LRRC69: variants seen among roughly 807,000 people sequenced by gnomAD.
LRRC69 encodes leucine-rich repeat-containing protein 69.
In LRRC69, 42 loss-of-function variants were observed where a neutral mutation model predicts 37.8. That is an observed-to-expected ratio of 1.11 (90% CI 0.87 to 1.44). The LOEUF (loss-of-function observed/expected upper bound fraction) is 1.44, where lower values mean the gene tolerates loss of function less well. LRRC69 is among the 40% of genes most tolerant of loss of function. The pLI, the probability that LRRC69 is intolerant of heterozygous loss-of-function variation, is 0.00. For synonymous variants in LRRC69, 141 were observed against 143.1 expected (o/e 0.99, Z 0.11); for missense variants, 357 against 401.9 (o/e 0.89, Z 0.96).
chr8:91,201,796 A>G (rs1809715407), intron 7 of LRRC69, among the ~76,000 whole-genome samples: 2 of 152,222 alleles, frequency 1.3e-5, no homozygotes, highest in Non-Finnish European at 2.9e-5. Flanking sequence ...GAAGGAGACA[A>G]ACAAATAAGT....
exon 6 of LRRC69, chr8:91,189,587 G>A: frequency 6.4e-7 from 1 of 1,551,472 alleles, no homozygotes. Context: ...AGCAGCCAGT[G>A]ATTTCTACAC....
chr8:91,196,807 A>T, intron 6 of LRRC69, among the ~76,000 whole-genome samples: 1 of 151,628 alleles, frequency 6.6e-6, no homozygotes. Context: ...CCCGTAGCTC[A>T]GAGTAATTTG....
rs139628900 is a variant in LRRC69, at chr8:91,208,939, T to C, written c.933+8147T>C. Among the ~76,000 whole-genome samples the C allele has an allele frequency of 2.6e-4, 40 of 152,318 alleles. No homozygotes were observed. In the East Asian group the frequency reaches 6.9e-3, roughly 26 times the overall value. On this transcript the variant is annotated intron_variant, in intron 7 of 7. Coordinates refer to ENST00000448384, the Ensembl canonical transcript of LRRC69. ...TTGCTGGTTCTCTTTCAACCACTTC[T>C]ACACTATTCTCTGGGCATAAGAAAA...
At chr8:91,197,576 G>T (rs532558627) in intron 6 of LRRC69, among the ~76,000 whole-genome samples, 2 of 152,096 alleles carry the variant, frequency 1.3e-5, no homozygotes, top group Non-Finnish European at 2.9e-5. Context: ...TCGGAAAAGC[G>T]CAGTATTAGG....
chr8:91,185,912 C>T (rs1313449725), intron 5 of LRRC69, among the ~76,000 whole-genome samples: 1 of 152,158 alleles, frequency 6.6e-6, no homozygotes, highest in African/African-American at 2.4e-5. Flanking sequence ...GAAATCTCAG[C>T]TTCCTCCCTC....
exon 8 of LRRC69, chr8:91,218,920 G>T (rs544885461): frequency 6.5e-7 from 1 of 1,550,166 alleles, no homozygotes; most frequent in South Asian, 1.2e-5. Context: ...TCTGAAGCTG[G>T]TGCCTCTCCA....
At chr8:91,205,405 T>A (rs1809787341) in intron 7 of LRRC69, 1 of 152,240 alleles carries the variant, frequency 6.6e-6, no homozygotes, top group Admixed American at 6.5e-5. Context: ...CCAGGAACAG[T>A]CATCAGAGTT....
chr8:91,113,736 A>G (rs1813452186), intron 1 of LRRC69, among the ~76,000 whole-genome samples: 5 of 151,838 alleles, frequency 3.3e-5, no homozygotes, highest in African/African-American at 2.4e-5. Flanking sequence ...AAAAACCTGC[A>G]CAGCAAAGGA....
At chr8:91,212,769 T>A (rs1450847565) in intron 7 of LRRC69, among the ~76,000 whole-genome samples, 1 of 152,150 alleles carries the variant, frequency 6.6e-6, no homozygotes, top group Non-Finnish European at 1.5e-5. Flanking sequence ...ACTAAGAGGA[T>A]CAGAAAGCAT....
rs192160192 is a variant in LRRC69, at chr8:91,150,569, G to A, written c.651+14830G>A. ...CTCTTTTTTTGTTGTGTCTCTGCCA[G>A]GCTTTGGTATCAGGATAATGCTGGC... On this transcript the variant is annotated intron_variant, in intron 5 of 7. Transcript: ENST00000448384. 5.5e-3 allele frequency among the ~76,000 whole-genome samples: 831 copies of A among 152,108 alleles called. 12 individuals are homozygous for A. The highest frequency in any genetic ancestry group is 0.019 in the African/African-American group (806 of 41,534).
chr8:91,177,605 T>C (rs1809254525), intron 5 of LRRC69, among the ~76,000 whole-genome samples: 1 of 152,204 alleles, frequency 6.6e-6, no homozygotes, highest in African/African-American at 2.4e-5. Context: ...GAAACACTGC[T>C]GCACATGGTA....
intron 7 of LRRC69, among the ~76,000 whole-genome samples, chr8:91,216,543 G>C (rs184089638): frequency 2.0e-3 from 300 of 152,190 alleles, no homozygotes; most frequent in Non-Finnish European, 3.7e-3. Context: ...AATGTATGTA[G>C]CATGTTTTAT....
chr8:91,124,607 C>G (rs1429385788), exon 2 of LRRC69: 1 of 1,535,776 alleles, frequency 6.5e-7, no homozygotes, highest in Non-Finnish European at 8.8e-7. Flanking sequence ...TAGATTTGCA[C>G]CTGGAGCCTG....
intron 5 of LRRC69, among the ~76,000 whole-genome samples, chr8:91,176,134 A>ATATATATTTTT: frequency 0.013 from 992 of 75,586 alleles, 37 homozygotes; most frequent in East Asian, 0.11. Context: ...ATATATATAT[A>ATATATATTTTT]TTTTTTTTTT....
At chr8:91,114,044 A>G (rs1001668584) in intron 1 of LRRC69, among the ~76,000 whole-genome samples, 1 of 151,520 alleles carries the variant, frequency 6.6e-6, no homozygotes, top group African/African-American at 2.4e-5. Flanking sequence ...GTAAATAGCC[A>G]ATAGGTATAT....
intron 5 of LRRC69, among the ~76,000 whole-genome samples, chr8:91,142,264 A>G (rs1808544612): frequency 6.6e-6 from 1 of 152,020 alleles, no homozygotes; most frequent in Admixed American, 6.6e-5. Context: ...ATCATATATA[A>G]AATATTGCAG....
At chr8:91,194,378 G>A (rs1809556413) in intron 6 of LRRC69, among the ~76,000 whole-genome samples, 1 of 151,568 alleles carries the variant, frequency 6.6e-6, no homozygotes, top group South Asian at 2.1e-4. Flanking sequence ...AGTTAGGGAG[G>A]ATTCTCTATT....
chr8:91,117,038 G>A (rs1465524861), intron 1 of LRRC69, among the ~76,000 whole-genome samples: 1 of 151,758 alleles, frequency 6.6e-6, no homozygotes, highest in African/African-American at 2.4e-5. Flanking sequence ...GGTATGAGTG[G>A]GTCAATACAA....
intron 5 of LRRC69, among the ~76,000 whole-genome samples, chr8:91,175,830 G>A (rs1315137038): frequency 6.8e-6 from 1 of 147,162 alleles, no homozygotes; most frequent in Non-Finnish European, 1.5e-5. Flanking sequence ...TTTTTTTTGA[G>A]CAGGGGAGTG....
Sources: allele counts gnomAD v4.1 joint callset (sites outside exome capture counted in the v4.1 genomes callset), GRCh38; gene constraint gnomAD v4.1.1; transcripts MANE v1.5; gene names NCBI Gene and HGNC (gene_info 2026-07-23, HGNC 2026-07-21).